Variants in CNTNAP4 observed in about 807,000 individuals in gnomAD.
CNTNAP4 encodes the protein contactin-associated protein-like 4.
Under a neutral mutation model 148.4 loss-of-function variants are expected in CNTNAP4, and 98 were observed. That is an observed-to-expected ratio of 0.66 (90% CI 0.56 to 0.78). CNTNAP4 has a LOEUF of 0.78. CNTNAP4 is among the 30% of genes least tolerant of loss of function. The probability of loss-of-function intolerance (pLI) is 0.00; values close to 1 mark genes in which losing one functional copy is unlikely to be tolerated. For missense variants in CNTNAP4, 1,935 were observed against 1,565.6 expected (o/e 1.24, Z -3.98); for synonymous variants, 730 against 565.1 (o/e 1.29, Z -4.14).
At position 76,495,109 on chromosome 16, in the gene CNTNAP4, A is replaced by T. The variant is rs371945755; in HGVS notation, c.2237+43A>T. 6.2e-6 allele frequency: 10 copies of T among 1,600,780 alleles called. No homozygotes were observed. In the South Asian group the frequency reaches 1.1e-4, roughly 18 times the overall value. ...TCTTTATGCAAGAAAAAGTTCATTT[A>T]AAAAAATTAATCACTCAAAGTATGT... On this transcript the variant is annotated intron_variant, in intron 14 of 23. Transcript: ENST00000611870.
intron 4 of CNTNAP4, among the ~76,000 whole-genome samples, chr16:76,433,295 A>G (rs1196146301): frequency 4.6e-5 from 7 of 152,126 alleles, no homozygotes; most frequent in Non-Finnish European, 7.4e-5. Context: ...CTACCAGGAG[A>G]ACTGAGGGAG....
chr16:76,474,913 A>G (rs2081508867), intron 10 of CNTNAP4, among the ~76,000 whole-genome samples: 1 of 152,234 alleles, frequency 6.6e-6, no homozygotes, highest in South Asian at 2.1e-4. Flanking sequence ...TGATTTGGAA[A>G]AAATTATTTT....
chr16:76,412,370 A>G (rs1244029129), intron 3 of CNTNAP4, among the ~76,000 whole-genome samples: 2 of 151,390 alleles, frequency 1.3e-5, no homozygotes, highest in African/African-American at 2.4e-5. Context: ...ATCATTCTTC[A>G]GAGTGGAATT....
rs180716674 is a variant in CNTNAP4, at chr16:76,509,331, C to T, written c.2365+10637C>T. On this transcript the variant is annotated intron_variant, in intron 15 of 23. Transcript: ENST00000611870. ...AGTAGCATCCTTCCTCCAAATGTGA[C>T]GACCAAAAATGTCTCCAAACATTGC... Among the ~76,000 whole-genome samples the T allele has an allele frequency of 8.3e-5, 8 of 96,564 alleles. 1 individual carries two copies. Among genetic ancestry groups the T allele is most frequent in the African/African-American group, 1.8e-4 (7 of 38,660 alleles). 63.3% of individuals were successfully genotyped at this position (96,564 alleles called of 152,430 possible).
At chr16:76,365,864 C>T (rs1376878671) in intron 3 of CNTNAP4, among the ~76,000 whole-genome samples, 1 of 151,418 alleles carries the variant, frequency 6.6e-6, no homozygotes, top group East Asian at 1.9e-4. Flanking sequence ...AAGTTCTCTT[C>T]CTAGATATAA....
intron 2 of CNTNAP4, among the ~76,000 whole-genome samples, chr16:76,321,762 C>CT (rs1251457609): frequency 2.1e-5 from 3 of 144,018 alleles, no homozygotes; most frequent in Non-Finnish European, 4.5e-5. Flanking sequence ...GCACTCCAGC[C>CT]TGGTGACAGA....
chr16:76,364,233 C>CAAAAAAAAAAAAAAAAAAAA (rs58589609), intron 3 of CNTNAP4, among the ~76,000 whole-genome samples: 3 of 48,178 alleles, frequency 6.2e-5, no homozygotes, highest in Non-Finnish European at 1.1e-4. Context: ...GATTCCATCT[C>CAAAAAAAAAAAAAAAAAAAA]AAAAAAAAAA....
At chr16:76,326,690 T>C (rs1963010393) in intron 2 of CNTNAP4, among the ~76,000 whole-genome samples, 7 of 147,594 alleles carry the variant, frequency 4.7e-5, no homozygotes, top group Admixed American at 4.2e-4. Flanking sequence ...CAGCAAACTA[T>C]CACAAGGACA....
At chr16:76,352,021 T>G (rs187163711) in intron 2 of CNTNAP4, among the ~76,000 whole-genome samples, 1 of 152,306 alleles carries the variant, frequency 6.6e-6, no homozygotes, top group East Asian at 1.9e-4. Context: ...AGAAGGAAAC[T>G]AATCAGTGTT....
chr16:76,289,351 T>C (rs138379493), intron 1 of CNTNAP4, among the ~76,000 whole-genome samples: 2 of 152,310 alleles, frequency 1.3e-5, no homozygotes, highest in Admixed American at 6.5e-5. Flanking sequence ...TATTGGTTTT[T>C]ATTTTCCATT....
Position 76,298,871 on chromosome 16 carries a change from G to T in CNTNAP4, c.86-17542G>T, listed in dbSNP as rs1224579577. ...CCAATAGTGAGTTGGGTGGGGGCAG[G>T]TAGGGCAGAAATGATTCAAGTGTGG... On this transcript the variant is annotated intron_variant, in intron 1 of 23. Transcript: ENST00000611870. Among the ~76,000 whole-genome samples, 6 of 152,126 alleles carry T rather than the reference G, an allele frequency of 3.9e-5. 1 individual carries two copies. The East Asian group carries it at 1.2e-3, about 29-fold the overall frequency.
At chr16:76,454,959 TGAGA>T (rs1443469623) in intron 8 of CNTNAP4, among the ~76,000 whole-genome samples, 2 of 152,210 alleles carry the variant, frequency 1.3e-5, no homozygotes, top group African/African-American at 4.8e-5. Flanking sequence ...TAAATTGTAT[TGAGA>T]AAGAACTGAA....
At chr16:76,539,480 T>A (rs549918128) in intron 19 of CNTNAP4, among the ~76,000 whole-genome samples, 3 of 152,206 alleles carry the variant, frequency 2.0e-5, no homozygotes, top group Non-Finnish European at 4.4e-5. Context: ...TCTGAGTTGA[T>A]GTTAAATTAA....
chr16:76,394,111 A>C (rs1026741826), intron 3 of CNTNAP4, among the ~76,000 whole-genome samples: 1 of 152,316 alleles, frequency 6.6e-6, no homozygotes, highest in South Asian at 2.1e-4. Flanking sequence ...ACAACATCTG[A>C]AAATTCATGA....
intron 2 of CNTNAP4, among the ~76,000 whole-genome samples, chr16:76,342,909 T>C (rs967288145): frequency 1.3e-5 from 2 of 152,192 alleles, no homozygotes; most frequent in African/African-American, 4.8e-5. Context: ...ATTTTGCTTA[T>C]CAAAAGTATT....
intron 8 of CNTNAP4, among the ~76,000 whole-genome samples, chr16:76,456,004 A>C (rs1204578967): frequency 6.6e-6 from 1 of 152,202 alleles, no homozygotes; most frequent in Non-Finnish European, 1.5e-5. Flanking sequence ...GAACAAAGAG[A>C]GCAACAGAAA....
intron 17 of CNTNAP4, among the ~76,000 whole-genome samples, chr16:76,529,852 T>TGTGTGC (rs1449098539): frequency 1.3e-5 from 2 of 151,518 alleles, no homozygotes; most frequent in African/African-American, 4.8e-5. Context: ...GCTGTGTGTG[T>TGTGTGC]GTGTGTGTGT....
At chr16:76,336,447 A>G (rs1239450724) in intron 2 of CNTNAP4, among the ~76,000 whole-genome samples, 2 of 152,322 alleles carry the variant, frequency 1.3e-5, no homozygotes, top group East Asian at 1.9e-4. Context: ...CTTTTCCCCC[A>G]AAAGAAAAAG....
chr16:76,330,699 A>G (rs1437507143), intron 2 of CNTNAP4, among the ~76,000 whole-genome samples: 1 of 152,194 alleles, frequency 6.6e-6, no homozygotes, highest in Non-Finnish European at 1.5e-5. Flanking sequence ...TATTTCTTAT[A>G]CTTATTAGAT....
Sources: gnomAD v4.1 joint callset for allele counts (sites outside exome capture counted in the v4.1 genomes callset) on GRCh38, gnomAD v4.1.1 for gene constraint, MANE v1.5 for transcripts, NCBI Gene and HGNC (gene_info 2026-07-23, HGNC 2026-07-21) for gene names.